Variants in NTM observed in about 807,000 individuals in gnomAD.
The protein encoded by NTM is neurotrimin.
NTM carries 13 observed loss-of-function variants against 42.1 expected under a neutral mutation model. That is an observed-to-expected ratio of 0.31 (90% confidence interval 0.20 to 0.49). The LOEUF is 0.49. Among genes scored for constraint, NTM ranks in the 20% least tolerant of loss-of-function variants. The pLI is 0.99. For synonymous variants in NTM, 187 were observed against 179.2 expected (o/e 1.04, Z -0.35); for missense variants, 373 against 452.8 (o/e 0.82, Z 1.60).
intron 1 of NTM, among the ~76,000 whole-genome samples, chr11:131,597,548 G>A (rs7112718): frequency 0.37 from 56,720 of 152,012 alleles, 14,026 homozygotes; most frequent in African/African-American, 0.71. Flanking sequence ...CCTAAGGCGC[G>A]CAAGTTCCTG....
intron 1 of NTM, among the ~76,000 whole-genome samples, chr11:131,666,619 A>G (rs2069101574): frequency 6.6e-6 from 1 of 152,134 alleles, no homozygotes; most frequent in South Asian, 2.1e-4. Flanking sequence ...GATGCCTATG[A>G]TCTCTGGGCA....
chr11:131,796,236 C>A, intron 1 of NTM: 1 of 905,378 alleles, frequency 1.1e-6, no homozygotes, highest in Non-Finnish European at 1.3e-6. Flanking sequence ...GTGGAAGAGG[C>A]CATGCACAGG....
At chr11:132,328,814 C>T (rs1039345246) in intron 7 of NTM, among the ~76,000 whole-genome samples, 1 of 152,090 alleles carries the variant, frequency 6.6e-6, no homozygotes, top group Non-Finnish European at 1.5e-5. Flanking sequence ...AATAGCCCCT[C>T]CCCCTCCTTA....
At chr11:132,099,626 G>T (rs1186006116) in intron 2 of NTM, among the ~76,000 whole-genome samples, 1 of 152,138 alleles carries the variant, frequency 6.6e-6, no homozygotes, top group Non-Finnish European at 1.5e-5. Context: ...CCTCCCAGTG[G>T]TTCTGTTCCC....
At chr11:132,019,661 T>C (rs758113464) in intron 2 of NTM, among the ~76,000 whole-genome samples, 12 of 152,058 alleles carry the variant, frequency 7.9e-5, no homozygotes, top group African/African-American at 1.2e-4. Flanking sequence ...TTCTTATGGT[T>C]ACTGTTTGCA....
rs939857683 is a variant in NTM at position 132,335,514 on chromosome 11, G to T, written c.*368G>T. 1 of 235,392 alleles carries T rather than the reference G, an allele frequency of 4.2e-6. No individual in the cohort carries two copies. Among genetic ancestry groups the T allele is most frequent in the African/African-American group, 2.3e-5 (1 of 43,012 alleles). 14.6% of individuals were successfully genotyped at this position (235,392 alleles called of 1,614,324 possible). ...GAGTGCCCCCACGTGGAACATTCTG[G>T]AGCTGGCCATCCCAAATTCAATCAG... On this transcript the variant is annotated 3_prime_UTR_variant, in exon 9 of 9. Coordinates refer to ENST00000683400, the MANE Select transcript of NTM (RefSeq NM_001352005.2).
intron 2 of NTM, among the ~76,000 whole-genome samples, chr11:132,010,667 T>C (rs988674728): frequency 4.6e-5 from 7 of 151,864 alleles, no homozygotes; most frequent in African/African-American, 1.5e-4. Flanking sequence ...ATGAACTCTT[T>C]ACGGCAACTG....
chr11:132,293,428 G>A (rs963636118), intron 4 of NTM, among the ~76,000 whole-genome samples: 1 of 152,188 alleles, frequency 6.6e-6, no homozygotes, highest in Non-Finnish European at 1.5e-5. Flanking sequence ...ATCTCTCCAA[G>A]AATTGGATGC....
At chr11:131,437,923 G>A (rs1183413169) in intron 1 of NTM, among the ~76,000 whole-genome samples, 3 of 152,228 alleles carry the variant, frequency 2.0e-5, no homozygotes, top group Admixed American at 2.0e-4. Context: ...GCTGGTACCA[G>A]TTTTTCCTTT....
chr11:131,592,698 A>G (rs1459013516), intron 1 of NTM, among the ~76,000 whole-genome samples: 1 of 147,348 alleles, frequency 6.8e-6, no homozygotes, highest in African/African-American at 2.5e-5. Flanking sequence ...CATAGTTCAA[A>G]GTTGACCTTT....
chr11:132,127,478 C>G (rs1301887108), intron 2 of NTM, among the ~76,000 whole-genome samples: 1 of 152,240 alleles, frequency 6.6e-6, no homozygotes. Flanking sequence ...CTCTATAACA[C>G]AGGTCCCCTG....
intron 1 of NTM, among the ~76,000 whole-genome samples, chr11:131,480,336 C>CT (rs1591790658): frequency 6.6e-6 from 1 of 152,090 alleles, no homozygotes; most frequent in East Asian, 1.9e-4. Context: ...CTTAAAGTGA[C>CT]TTTTCTTGGA....
intron 1 of NTM, among the ~76,000 whole-genome samples, chr11:131,750,611 C>A (rs1565499546): frequency 2.0e-5 from 3 of 152,194 alleles, no homozygotes; most frequent in African/African-American, 7.2e-5. Context: ...ATTTCATCTC[C>A]AAAATGCATC....
At chr11:131,571,640 G>A (rs1324514072) in intron 1 of NTM, among the ~76,000 whole-genome samples, 4 of 152,182 alleles carry the variant, frequency 2.6e-5, no homozygotes, top group African/African-American at 4.8e-5. Flanking sequence ...CTGGAAAAAC[G>A]TTGTGTTTAG....
At chr11:131,794,161 C>A (rs1158579233) in intron 1 of NTM, among the ~76,000 whole-genome samples, 1 of 152,104 alleles carries the variant, frequency 6.6e-6, no homozygotes, top group East Asian at 1.9e-4. Context: ...ACGGTGCGTG[C>A]TGATCCTCCT....
intron 1 of NTM, among the ~76,000 whole-genome samples, chr11:131,432,854 T>A (rs1367237736): frequency 4.5e-5 from 5 of 111,182 alleles, no homozygotes; most frequent in Admixed American, 9.6e-5. Flanking sequence ...TTTTTTTTTT[T>A]TTTTTTTTTT....
chr11:131,832,215 T>A (rs1365176523), intron 1 of NTM, among the ~76,000 whole-genome samples: 7 of 150,148 alleles, frequency 4.7e-5, no homozygotes, highest in South Asian at 2.1e-4. Context: ...AGAGTTCATA[T>A]GTATGCGTGA....
intron 3 of NTM, among the ~76,000 whole-genome samples, chr11:132,195,364 A>G (rs2080015081): frequency 6.6e-6 from 1 of 152,160 alleles, no homozygotes; most frequent in Non-Finnish European, 1.5e-5. Flanking sequence ...TAAAATGGCC[A>G]TACTTCCCAA....
intron 1 of NTM, among the ~76,000 whole-genome samples, chr11:131,432,839 C>CATTTTTTTTTTTTTTT (rs1565494793): frequency 2.5e-4 from 17 of 68,692 alleles, no homozygotes; most frequent in Non-Finnish European, 4.1e-4. Flanking sequence ...ATTTAGCATT[C>CATTTTTTTTTTTTTTT]TTTTTTTTTT....
Sources: allele counts gnomAD v4.1 joint callset (sites outside exome capture counted in the v4.1 genomes callset), GRCh38; gene constraint gnomAD v4.1.1; transcripts MANE v1.5; gene names NCBI Gene and HGNC (gene_info 2026-07-23, HGNC 2026-07-21).